KIF1B: variants seen among roughly 807,000 people sequenced by gnomAD.
The protein encoded by KIF1B is kinesin-like protein KIF1B.
A neutral mutation model predicts 241.9 loss-of-function variants in KIF1B; 76 were observed. The ratio of observed to expected loss-of-function variants is 0.31; its 90% CI spans 0.26 to 0.38. The LOEUF is 0.38. Among genes scored for constraint, KIF1B ranks in the 10% least tolerant of loss-of-function variants. The pLI is 1.00. For missense variants in KIF1B, 1,622 were observed against 2,271.4 expected, an observed-to-expected ratio of 0.71 and a Z score of 5.81; for synonymous variants, 750 against 796.7, an observed-to-expected ratio of 0.94 and a Z score of 0.99.
chr1:10,281,033 T>C (rs1378080920), intron 14 of KIF1B, among the ~76,000 whole-genome samples: 2 of 152,184 alleles, frequency 1.3e-5, no homozygotes, highest in African/African-American at 4.8e-5. Flanking sequence ...AAAAGATGCC[T>C]CTTTGCTTGT....
At position 10,250,651 on chromosome 1, in the gene KIF1B, C is replaced by T. The variant is rs190375105; in HGVS notation, c.107-5596C>T. Among the ~76,000 whole-genome samples, 8 of 152,116 alleles carry T rather than the reference C, an allele frequency of 5.3e-5. No homozygotes were observed. In the East Asian group the frequency reaches 1.4e-3, roughly 26 times the overall value. Reference sequence around the variant, plus strand: ...TCCAGCCTAGGCAACATGGCAAAGCCCCATCTCTGCAAAAAAAATTAAAAT... The same window carrying T: ...TCCAGCCTAGGCAACATGGCAAAGCTCCATCTCTGCAAAAAAAATTAAAAT... On this transcript the variant is annotated intron_variant, in intron 2 of 48. Transcript: ENST00000676179.
intron 2 of KIF1B, among the ~76,000 whole-genome samples, chr1:10,246,870 A>C (rs1371965848): frequency 1.3e-5 from 2 of 151,810 alleles, no homozygotes; most frequent in Non-Finnish European, 2.9e-5. Flanking sequence ...GTAATTTTAA[A>C]TTTTTTTTGT....
At chr1:10,229,372 A>G (rs113056851) in intron 1 of KIF1B, among the ~76,000 whole-genome samples, 458 of 152,302 alleles carry the variant, frequency 3.0e-3, no homozygotes, top group Non-Finnish European at 4.6e-3. Flanking sequence ...ACAACTGGGA[A>G]ATGTATGTCA....
At chr1:10,371,298 A>G (rs745353526) in intron 45 of KIF1B, 36 bp downstream of exon 45, 22 of 1,612,796 alleles carry the variant, frequency 1.4e-5, no homozygotes, top group South Asian at 2.2e-5. Context: ...AAGTCAATCT[A>G]AGAACCAAGG....
intron 12 of KIF1B, 51 bp from the exon 13 acceptor site, chr1:10,277,930 TATGAG>T: frequency 6.8e-7 from 1 of 1,476,482 alleles, no homozygotes; most frequent in South Asian, 1.2e-5. Context: ...GTATGTTACT[TATGAG>T]AAGTAGAACA....
intron 22 of KIF1B, among the ~76,000 whole-genome samples, chr1:10,313,825 C>G (rs996648243): frequency 6.6e-6 from 1 of 151,450 alleles, no homozygotes; most frequent in Non-Finnish European, 1.5e-5. Context: ...GTTGAGATTA[C>G]AGGCGTGAGC....
Position 10,278,143 on chromosome 1 carries a change from G to A in KIF1B, c.1180+15G>A. 6.2e-7 allele frequency: 1 copy of A among 1,613,062 alleles called. No individual in the cohort carries two copies. Among genetic ancestry groups the A allele is most frequent in the East Asian group, 2.2e-5 (1 of 44,844 alleles). On this transcript the variant is annotated intron_variant, in intron 13 of 48. Coordinates refer to ENST00000676179, the MANE Select transcript of KIF1B (RefSeq NM_001365951.3). ...TATTATTGATAGTAAGTGAATTAAG[G>A]ATCGTTACAAAATCTAATCCTTTCT...
At chr1:10,320,618 T>G (rs1272701019) in intron 23 of KIF1B, among the ~76,000 whole-genome samples, 2 of 152,274 alleles carry the variant, frequency 1.3e-5, no homozygotes, top group Non-Finnish European at 2.9e-5. Context: ...TAATGCAGTA[T>G]GAACACTTAC....
chr1:10,306,808 G>A (rs1377034566), intron 22 of KIF1B: 1 of 957,938 alleles, frequency 1.0e-6, no homozygotes, highest in African/African-American at 1.8e-5. Context: ...ATATTATTCA[G>A]GTTTCAACTC....
At chr1:10,285,264 C>T (rs541498105) in intron 15 of KIF1B, among the ~76,000 whole-genome samples, 1 of 152,198 alleles carries the variant, frequency 6.6e-6, no homozygotes, top group Non-Finnish European at 1.5e-5. Flanking sequence ...AAAGCCTTAG[C>T]TCTTACACTT....
chr1:10,282,816 A>G (rs565009090), intron 15 of KIF1B, among the ~76,000 whole-genome samples: 1 of 152,346 alleles, frequency 6.6e-6, no homozygotes, highest in African/African-American at 2.4e-5. Context: ...GGGATAGTAC[A>G]TCAAGTTACA....
chr1:10,307,753 T>A (rs1650901060), intron 22 of KIF1B: 3 of 1,034,392 alleles, frequency 2.9e-6, no homozygotes, highest in Non-Finnish European at 3.5e-6. Context: ...TTTATTCTAT[T>A]GAAGTTATGT....
intron 7 of KIF1B, among the ~76,000 whole-genome samples, chr1:10,269,565 A>G (rs907248541): frequency 2.6e-5 from 4 of 150,966 alleles, no homozygotes; most frequent in African/African-American, 9.7e-5. Flanking sequence ...CACACCTGTA[A>G]TCCAAGCACT....
intron 1 of KIF1B, among the ~76,000 whole-genome samples, chr1:10,223,274 C>CAA (rs986418213): frequency 1.1e-4 from 16 of 151,940 alleles, no homozygotes; most frequent in Admixed American, 7.2e-4. Flanking sequence ...CAAAACAAAA[C>CAA]AACAAAACAA....
chr1:10,251,923 A>G (rs557734476), intron 2 of KIF1B, among the ~76,000 whole-genome samples: 4 of 152,248 alleles, frequency 2.6e-5, no homozygotes, highest in East Asian at 1.9e-4. Context: ...ACCGAAACCT[A>G]GAATCTGACT....
chr1:10,219,977 C>T (rs1016533180), intron 1 of KIF1B, among the ~76,000 whole-genome samples: 4 of 151,758 alleles, frequency 2.6e-5, no homozygotes, highest in Non-Finnish European at 5.9e-5. Context: ...CTGAGGCAGG[C>T]GGATCACCTG....
At position 10,297,019 on chromosome 1, in the gene KIF1B, G is replaced by C; in HGVS notation, c.1984G>C (p.Ala662Pro). 6.2e-7 allele frequency: 1 copy of C among 1,614,034 alleles called. No individual in the cohort carries two copies. Among genetic ancestry groups the C allele is most frequent in the Non-Finnish European group, 8.5e-7 (1 of 1,179,996 alleles). The part of the protein sequence containing the change: ...TPSEPVDWTF[A>P]QRELLEKQGI... ...CTCTGAGCCTGTGGACTGGACATTT[G>C]CCCAGAGGGAGCTTCTGGAAAAACA... The change falls in exon 21 of 49, where the codon GCC (alanine) becomes CCC (proline). Residue 662 changes from alanine to proline, a missense_variant. Physicochemically the swap from Ala to Pro is conservative, Grantham distance 27 (BLOSUM62 -1). Transcript: ENST00000676179.
At chr1:10,231,568 G>T (rs2102127676) in intron 1 of KIF1B, among the ~76,000 whole-genome samples, 1 of 151,326 alleles carries the variant, frequency 6.6e-6, no homozygotes, top group Admixed American at 6.6e-5. Context: ...TGTATTTTTA[G>T]TAAAGATGGG....
At chr1:10,375,564 T>A (rs1353096032) in intron 48 of KIF1B, among the ~76,000 whole-genome samples, 191 bp downstream of exon 48, 2 of 152,088 alleles carry the variant, frequency 1.3e-5, no homozygotes, top group African/African-American at 2.4e-5. Flanking sequence ...TTCGTATTTT[T>A]TGTAGAGACG....
Sources: allele counts gnomAD v4.1 joint callset (sites outside exome capture counted in the v4.1 genomes callset), GRCh38; gene constraint gnomAD v4.1.1; transcripts MANE v1.5; gene names NCBI Gene and HGNC (gene_info 2026-07-23, HGNC 2026-07-21).